NINL: variants seen among roughly 807,000 people sequenced by gnomAD.
NINL encodes the protein ninein like, also known as ninein-like protein.
NINL carries 153 observed loss-of-function variants against 160.3 expected under a neutral mutation model. The observed-to-expected ratio is 0.95, with a 90% confidence interval of 0.84 to 1.09. The LOEUF (loss-of-function observed/expected upper bound fraction) is 1.09, where lower values mean the gene tolerates loss of function less well. NINL is among the 50% of genes least tolerant of loss of function. The pLI is 0.00. For missense variants in NINL, 1,829 were observed against 1,764.0 expected, an observed-to-expected ratio of 1.04 and a Z score of -0.66; for synonymous variants, 800 against 734.8, an observed-to-expected ratio of 1.09 and a Z score of -1.43.
At chr20:25,499,921 A>G (rs1241604355) in intron 8 of NINL, among the ~76,000 whole-genome samples, 6 of 148,866 alleles carry the variant, frequency 4.0e-5, no homozygotes, top group Non-Finnish European at 5.9e-5. Flanking sequence ...AATTAGCAAG[A>G]CAAACAGTAT....
chr20:25,486,974 C>G (rs2063516267), intron 13 of NINL, among the ~76,000 whole-genome samples: 1 of 152,218 alleles, frequency 6.6e-6, no homozygotes, highest in South Asian at 2.1e-4. Context: ...ACATCGATTG[C>G]TCACTTAACA....
chr20:25,502,492 T>C (rs1201559316), intron 7 of NINL, among the ~76,000 whole-genome samples: 2 of 152,202 alleles, frequency 1.3e-5, no homozygotes, highest in Non-Finnish European at 2.9e-5. Context: ...GGTTAAGGGA[T>C]ACTATCAGGA....
At chr20:25,530,713 T>C (rs1281389916) in intron 1 of NINL, among the ~76,000 whole-genome samples, 1 of 152,028 alleles carries the variant, frequency 6.6e-6, no homozygotes, top group African/African-American at 2.4e-5. Flanking sequence ...ACCAGCAAGT[T>C]TTTATTAGTG....
chr20:25,491,435 C>A lies in NINL; in HGVS notation c.1401G>T (p.Arg467Ser). Residue 467 changes from arginine to serine, a missense_variant, in exon 11 of 24, where the codon AGG becomes AGT. Physicochemically the swap from Arg to Ser is moderately radical, Grantham distance 110. Transcript: ENST00000278886. ...CGTCCCACTCCAGCGCGGCCCTCTG[C>A]CTGTGGGCCTGCTCCCAGAACAGCT... ...ERELFWEQAHRQRAALEWDVG... is the reference protein window; with the variant it reads ...ERELFWEQAHSQRAALEWDVG... The A allele has an allele frequency of 5.6e-6, 9 of 1,613,854 alleles. No homozygotes were observed. Among genetic ancestry groups the A allele is most frequent in the Non-Finnish European group, 7.6e-6 (9 of 1,180,014 alleles).
chr20:25,540,064 CT>C (rs2064636334), intron 1 of NINL: 1 of 1,286,178 alleles, frequency 7.8e-7, no homozygotes, highest in African/African-American at 1.5e-5. Flanking sequence ...TTCATGCAAA[CT>C]GAATTATTAA....
chr20:25,456,994 G>C (rs531144688), intron 22 of NINL, among the ~76,000 whole-genome samples: 78 of 152,052 alleles, frequency 5.1e-4, no homozygotes, highest in African/African-American at 1.7e-3. Flanking sequence ...AGTGACTGTG[G>C]GTAACCTTTC....
At chr20:25,500,335 C>T (rs948868961) in intron 8 of NINL, among the ~76,000 whole-genome samples, 4 of 152,166 alleles carry the variant, frequency 2.6e-5, no homozygotes, top group South Asian at 4.1e-4. Context: ...CAGCAGAACA[C>T]GGAGGGAAGG....
At chr20:25,553,282 T>C (rs1438828368) in intron 1 of NINL, among the ~76,000 whole-genome samples, 3 of 151,766 alleles carry the variant, frequency 2.0e-5, no homozygotes, top group African/African-American at 4.8e-5. Context: ...GGAATCGTAA[T>C]TGGCTTCAGA....
At chr20:25,550,698 C>T (rs2064797231) in intron 1 of NINL, among the ~76,000 whole-genome samples, 1 of 152,228 alleles carries the variant, frequency 6.6e-6, no homozygotes, top group African/African-American at 2.4e-5. Context: ...CTTTACAAAA[C>T]ATCTCAGTGC....
chr20:25,530,680 C>T (rs373310252), intron 1 of NINL, among the ~76,000 whole-genome samples: 28 of 152,086 alleles, frequency 1.8e-4, no homozygotes, highest in African/African-American at 5.5e-4. Flanking sequence ...TGGTAGGTTC[C>T]GTGATGCCCC....
intron 13 of NINL, among the ~76,000 whole-genome samples, chr20:25,483,334 A>G: frequency 8.7e-6 from 1 of 115,084 alleles, no homozygotes; most frequent in East Asian, 1.2e-3. Context: ...CTCTGTCTCA[A>G]CAAAAAAAAA....
intron 2 of NINL, among the ~76,000 whole-genome samples, chr20:25,520,798 C>G (rs2064250346): frequency 6.6e-6 from 1 of 152,234 alleles, no homozygotes; most frequent in Admixed American, 6.5e-5. Context: ...TGTCTTTTCT[C>G]TAGCTTCCCT....
intron 7 of NINL, among the ~76,000 whole-genome samples, chr20:25,503,151 G>T (rs1256894591): frequency 6.6e-6 from 1 of 151,896 alleles, no homozygotes; most frequent in Non-Finnish European, 1.5e-5. Flanking sequence ...ATCCCAGCAG[G>T]TGGGCACCTG....
chr20:25,546,754 A>T (rs1397618217), intron 1 of NINL, among the ~76,000 whole-genome samples: 1 of 151,898 alleles, frequency 6.6e-6, no homozygotes, highest in Non-Finnish European at 1.5e-5. Context: ...GCTCATCGGG[A>T]GAGATACAAA....
chr20:25,511,040 A>G lies in NINL; in HGVS notation c.451-300T>C, dbSNP rs1227320944. 1.3e-5 allele frequency among the ~76,000 whole-genome samples: 2 copies of G among 152,174 alleles called. 1 individual carries two copies. Among genetic ancestry groups the G allele is most frequent in the African/African-American group, 4.8e-5 (2 of 41,432 alleles). On this transcript the variant is annotated intron_variant, in intron 4 of 23. Coordinates refer to ENST00000278886, the MANE Select transcript of NINL (RefSeq NM_025176.6). ...GTCATCAACAGTTGACACTGAAAAT[A>G]CAATCAAACACTCGTGTCATAGCAG...
intron 1 of NINL, among the ~76,000 whole-genome samples, chr20:25,542,883 A>G (rs1312329869): frequency 1.3e-5 from 2 of 151,444 alleles, no homozygotes; most frequent in East Asian, 3.9e-4. Context: ...AAACACAAAA[A>G]TTAGCCAGGG....
intron 1 of NINL, among the ~76,000 whole-genome samples, chr20:25,547,116 T>A (rs1316719706): frequency 6.6e-6 from 1 of 152,128 alleles, no homozygotes; most frequent in African/African-American, 2.4e-5. Context: ...CCCTCAGAAT[T>A]TCCTGAGTAA....
chr20:25,470,148 C>CA, intron 17 of NINL, 53 bp from the exon 18 acceptor site: 1 of 1,443,836 alleles, frequency 6.9e-7, no homozygotes, highest in Admixed American at 1.7e-5. Context: ...CACATGTGGT[C>CA]ACGGAGGCTG....
At chr20:25,573,739 A>G (rs1270441983) in intron 1 of NINL, among the ~76,000 whole-genome samples, 1 of 152,242 alleles carries the variant, frequency 6.6e-6, no homozygotes, top group Non-Finnish European at 1.5e-5. Context: ...AAATGTTACA[A>G]TCCTGGGCTG....
Sources: allele counts gnomAD v4.1 joint callset (sites outside exome capture counted in the v4.1 genomes callset), GRCh38; gene constraint gnomAD v4.1.1; transcripts MANE v1.5; gene names NCBI Gene and HGNC (gene_info 2026-07-23, HGNC 2026-07-21).